The following ZMYM1 variants were observed in gnomAD, a reference collection of about 807,000 sequenced individuals.
ZMYM1 encodes the protein zinc finger MYM-type protein 1.
Under a neutral mutation model 60.0 loss-of-function variants are expected in ZMYM1, and 39 were observed. The ratio of observed to expected loss-of-function variants is 0.65; its 90% CI spans 0.50 to 0.85. ZMYM1 has a LOEUF of 0.85. Among genes scored for constraint, ZMYM1 ranks in the 40% least tolerant of loss-of-function variants. The probability of loss-of-function intolerance (pLI) is 0.00; values close to 1 mark genes in which losing one functional copy is unlikely to be tolerated. For missense variants in ZMYM1, 1,171 were observed against 1,309.5 expected (o/e 0.89, Z 1.63); for synonymous variants, 413 against 454.0 (o/e 0.91, Z 1.15).
chr1:35,116,234 C>G (rs1214452583), downstream of ZMYM1, among the ~76,000 whole-genome samples: 3 of 152,120 alleles, frequency 2.0e-5, no homozygotes, highest in Non-Finnish European at 2.9e-5. Context: ...GAGACCTTAT[C>G]TCTTTAAAAC....
chr1:35,117,110 C>T (rs531418148), downstream of ZMYM1, among the ~76,000 whole-genome samples: 3 of 146,680 alleles, frequency 2.0e-5, no homozygotes, highest in South Asian at 2.2e-4. Context: ...GGATTACAGG[C>T]GTGAGCCACC....
chr1:35,075,732 A>G (rs1642155458), upstream of ZMYM1, among the ~76,000 whole-genome samples: 2 of 152,206 alleles, frequency 1.3e-5, no homozygotes, highest in African/African-American at 4.8e-5. Context: ...CCAATGCCCA[A>G]ATGTGGAGCA....
chr1:35,106,671 T>TA (rs1205639877), intron 6 of ZMYM1, among the ~76,000 whole-genome samples: 1 of 141,536 alleles, frequency 7.1e-6, no homozygotes, highest in African/African-American at 2.7e-5. Flanking sequence ...ATAATTCAAA[T>TA]AGATCATTTG....
intron 1 of ZMYM1, among the ~76,000 whole-genome samples, chr1:35,092,018 C>T (rs191355899): frequency 1.3e-4 from 19 of 151,238 alleles, no homozygotes; most frequent in African/African-American, 3.6e-4. Context: ...CTCTGCCTCC[C>T]GTTTTCAAGT....
In ZMYM1 at chr1:35,113,308, A is replaced by G. The variant is rs16837197; in HGVS notation, c.1478A>G (p.Glu493Gly). Reference sequence around the variant, plus strand: ...CAAAAATATTTTAGCTGTGGAAGAGAGTCATTTGCAACCCACGGAACTTCT... The same window carrying G: ...CAAAAATATTTTAGCTGTGGAAGAGGGTCATTTGCAACCCACGGAACTTCT... ...FCQKYFSCGR[E>G]SFATHGTSNW... The change falls in exon 10 of 10, where the codon GAG becomes GGG. Residue 493 changes from glutamate to glycine, a missense_variant. Transcript: ENST00000359858. The G allele has an allele frequency of 3.0e-4, 480 of 1,612,924 alleles. 3 individuals are homozygous for G. In the East Asian group the frequency reaches 0.01, roughly 35 times the overall value.
In ZMYM1 at chr1:35,115,065, A is replaced by G. The variant is rs755288914; in HGVS notation, c.3235A>G (p.Thr1079Ala). ...LLYIALSWPITSASTENSFST... is the reference protein window; with the variant it reads ...LLYIALSWPIASASTENSFST... ...ATATATTGCTTTGTCTTGGCCAATT[A>G]CTTCAGCAAGTACTGAGAACTCATT... is the stretch of plus-strand genomic sequence containing the variant. The change falls in exon 10 of 10, where the codon ACT (threonine) becomes GCT (alanine). Residue 1079 changes from threonine to alanine, a missense_variant. By Grantham distance (58) the Thr-to-Ala change is moderately conservative. Transcript: ENST00000359858. 47 of 1,613,946 alleles carry G rather than the reference A, an allele frequency of 2.9e-5. No individual in the cohort carries two copies. In the Admixed American group the frequency reaches 5.3e-4, roughly 18 times the overall value.
chr1:35,075,169 C>T (rs1317707661), upstream of ZMYM1, among the ~76,000 whole-genome samples: 2 of 152,062 alleles, frequency 1.3e-5, no homozygotes, highest in Admixed American at 6.6e-5. Context: ...CAGTTTTTGA[C>T]TTAAGTTCTA....
In ZMYM1 at chr1:35,114,062, T is replaced by C. The variant is rs780422514; in HGVS notation, c.2232T>C (p.His744=). 6.2e-7 allele frequency: 1 copy of C among 1,610,890 alleles called. No individual in the cohort carries two copies. The highest frequency in any genetic ancestry group is 1.1e-5 in the South Asian group (1 of 90,142). Residue 744 remains histidine (H), a synonymous_variant, in exon 10 of 10, where the codon CAT becomes CAC. Coordinates refer to ENST00000359858, the MANE Select transcript of ZMYM1 (RefSeq NM_024772.5). Reference sequence around the variant, plus strand: ...AAGAACCAAGAGCTTTATACATACATTGTTATGCACACTTTTTGGATTTAT... The same window carrying C: ...AAGAACCAAGAGCTTTATACATACACTGTTATGCACACTTTTTGGATTTAT... ...KKEEPRALYI[H]CYAHFLDLSI... is the part of the protein sequence containing the mutation.
At chr1:35,065,228 C>T (rs1202753589) in intron 1 of ZMYM1, among the ~76,000 whole-genome samples, 1 of 151,776 alleles carries the variant, frequency 6.6e-6, no homozygotes, top group East Asian at 1.9e-4. Context: ...CCTCCACAAC[C>T]TACTCTGCCT....
intron 1 of ZMYM1, among the ~76,000 whole-genome samples, chr1:35,092,769 C>T (rs895681684): frequency 4.6e-5 from 7 of 151,804 alleles, no homozygotes; most frequent in African/African-American, 1.7e-4. Flanking sequence ...CTGGGATTAC[C>T]AGCGCATGCC....
At chr1:35,060,871 T>C (rs1641861229) in intron 1 of ZMYM1, among the ~76,000 whole-genome samples, 2 of 152,186 alleles carry the variant, frequency 1.3e-5, no homozygotes, top group Admixed American at 1.3e-4. Flanking sequence ...AGACTGGCCC[T>C]GGTGCTTGAA....
At chr1:35,106,679 T>C (rs2148552589) in intron 6 of ZMYM1, among the ~76,000 whole-genome samples, 1 of 151,934 alleles carries the variant, frequency 6.6e-6, no homozygotes, top group South Asian at 2.1e-4. Flanking sequence ...AATAGATCAT[T>C]TGTGACTCAC....
At chr1:35,106,390 C>T (rs2148551153) in intron 6 of ZMYM1, among the ~76,000 whole-genome samples, 1 of 152,190 alleles carries the variant, frequency 6.6e-6, no homozygotes, top group South Asian at 2.1e-4. Context: ...TGGCCGATCA[C>T]CTGAGGTCAG....
At chr1:35,070,937 T>G (rs1642056645) in intron 1 of ZMYM1, among the ~76,000 whole-genome samples, 1 of 152,090 alleles carries the variant, frequency 6.6e-6, no homozygotes, top group Admixed American at 6.6e-5. Flanking sequence ...CAGGTTGGAG[T>G]GCAGTGGCAT....
In ZMYM1 at chr1:35,113,724, G is replaced by A. The variant is rs1178061892; in HGVS notation, c.1894G>A (p.Asp632Asn). 4 of 1,613,864 alleles carry A rather than the reference G, an allele frequency of 2.5e-6. No individual in the cohort carries two copies. Among genetic ancestry groups the A allele is most frequent in the Non-Finnish European group, 3.4e-6 (4 of 1,179,870 alleles). Reference protein sequence around the residue: ...IEIIKTEMLQDIVNEINDSSA... With the variant: ...IEIIKTEMLQNIVNEINDSSA... ...AATAATAAAGACTGAAATGTTGCAG[G>A]ATATTGTGAATGAGATCAATGACTC... The change falls in exon 10 of 10, where the codon GAT becomes AAT. Residue 632 changes from aspartate (D) to asparagine (N), a missense_variant. By Grantham distance (23) the Asp-to-Asn change is conservative. Coordinates refer to ENST00000359858, the MANE Select transcript of ZMYM1 (RefSeq NM_024772.5).
intron 1 of ZMYM1, among the ~76,000 whole-genome samples, chr1:35,084,359 C>A (rs1201544285): frequency 6.6e-6 from 1 of 152,088 alleles, no homozygotes; most frequent in Non-Finnish European, 1.5e-5. Context: ...CCTCTTAGTC[C>A]ATAAATTATT....
At chr1:35,092,314 C>T (rs1001628402) in intron 1 of ZMYM1, among the ~76,000 whole-genome samples, 3 of 152,000 alleles carry the variant, frequency 2.0e-5, no homozygotes, top group Non-Finnish European at 2.9e-5. Context: ...TTCACTGCAG[C>T]CTCCGCCTCC....
rs532037355 is a variant in ZMYM1, at chr1:35,087,049, G to C, written c.-74-6865G>C. Among the ~76,000 whole-genome samples, 434 of 135,538 alleles carry C rather than the reference G, an allele frequency of 3.2e-3. 4 individuals are homozygous for C. Among genetic ancestry groups the C allele is most frequent in the African/African-American group, 0.011 (405 of 35,246 alleles). The allele number at this position is 135,538 out of a possible 152,430, so 88.9% of individuals were successfully genotyped here. ...TCTGTCGTACCCAGGCTGGAGTGCA[G>C]TGGCACGATCTCCACTCACAGCAGC... On this transcript the variant is annotated intron_variant, in intron 1 of 9. Coordinates refer to ENST00000359858, the MANE Select transcript of ZMYM1 (RefSeq NM_024772.5).
At chr1:35,082,406 C>T (rs1642433360) in intron 1 of ZMYM1, among the ~76,000 whole-genome samples, 1 of 151,836 alleles carries the variant, frequency 6.6e-6, no homozygotes, top group East Asian at 2.0e-4. Context: ...TCTGGGCTCA[C>T]TGCAACCTCC....
Sources: allele counts gnomAD v4.1 joint callset (sites outside exome capture counted in the v4.1 genomes callset), GRCh38; gene constraint gnomAD v4.1.1; transcripts MANE v1.5; gene names NCBI Gene and HGNC (gene_info 2026-07-23, HGNC 2026-07-21).